Variants in DCC observed in about 807,000 individuals in gnomAD.
DCC encodes the protein DCC netrin 1 receptor.
A neutral mutation model predicts 172.5 loss-of-function variants in DCC; 58 were observed. That is an observed-to-expected ratio of 0.34 (90% CI 0.27 to 0.42). The LOEUF is 0.42. DCC is among the 10% of genes least tolerant of loss of function. The pLI is 1.00. For missense variants in DCC, 1,740 were observed against 1,791.0 expected (o/e 0.97, Z 0.51); for synonymous variants, 709 against 644.5 (o/e 1.10, Z -1.52).
chr18:52,957,266 G>A (rs2040759876), intron 5 of DCC, among the ~76,000 whole-genome samples: 1 of 152,046 alleles, frequency 6.6e-6, no homozygotes, highest in Non-Finnish European at 1.5e-5. Context: ...TTCATTAGAA[G>A]TGTATGGAAA....
chr18:53,183,967 G>A (rs528033957), intron 9 of DCC, among the ~76,000 whole-genome samples: 1 of 148,498 alleles, frequency 6.7e-6, no homozygotes, highest in African/African-American at 2.5e-5. Context: ...ATGATAACAC[G>A]TGGGCAGCCA....
In DCC at chr18:53,499,529, C is replaced by T. The variant is rs377546496; in HGVS notation, c.4111+19C>T. On this transcript the variant is annotated intron_variant, in intron 27 of 28. Coordinates refer to ENST00000442544, the MANE Select transcript of DCC (RefSeq NM_005215.4). ...CAGCCAGGTAAAGTACTCGGTTGTT[C>T]ACCTTTAAAATTCTTATTATTATTG... 1.8e-5 allele frequency: 29 copies of T among 1,594,060 alleles called. No individual in the cohort carries two copies. Among genetic ancestry groups the T allele is most frequent in the South Asian group, 2.2e-5 (2 of 90,640 alleles).
intron 9 of DCC, among the ~76,000 whole-genome samples, chr18:53,179,703 T>C (rs10853627): frequency 0.45 from 68,442 of 152,006 alleles, 16,247 homozygotes; most frequent in South Asian, 0.64. Context: ...CTTTGACCAA[T>C]GTATAATTCA....
intron 2 of DCC, among the ~76,000 whole-genome samples, chr18:52,761,552 T>C (rs1188575878): frequency 6.6e-6 from 1 of 152,146 alleles, no homozygotes; most frequent in East Asian, 1.9e-4. Flanking sequence ...ACAACAATGA[T>C]AAATATTTCT....
chr18:52,428,691 A>G (rs1987522510), intron 1 of DCC, among the ~76,000 whole-genome samples: 1 of 152,110 alleles, frequency 6.6e-6, no homozygotes, highest in African/African-American at 2.4e-5. Context: ...TTTGTGTGAG[A>G]CAGAGCAAGC....
At chr18:52,750,300 A>G (rs2036975057) in intron 1 of DCC, among the ~76,000 whole-genome samples, 2 of 152,184 alleles carry the variant, frequency 1.3e-5, no homozygotes, top group South Asian at 4.1e-4. Flanking sequence ...AAGGCTAGAT[A>G]TCCAGACAGC....
At chr18:52,671,556 G>C in intron 1 of DCC, among the ~76,000 whole-genome samples, 1 of 113,378 alleles carries the variant, frequency 8.8e-6, no homozygotes, top group Non-Finnish European at 1.7e-5. Flanking sequence ...TTTTTTTTGA[G>C]ATACAGTCTC....
chr18:52,851,200 C>T (rs2038970583), intron 2 of DCC, among the ~76,000 whole-genome samples: 1 of 152,004 alleles, frequency 6.6e-6, no homozygotes, highest in Non-Finnish European at 1.5e-5. Context: ...ATATTTTTAG[C>T]TCTTTTAAGA....
intron 1 of DCC, among the ~76,000 whole-genome samples, chr18:52,409,715 G>T (rs1164041365): frequency 6.6e-6 from 1 of 152,140 alleles, no homozygotes. Flanking sequence ...TCACAGGGGT[G>T]ATATGAAGTT....
chr18:53,397,562 G>C (rs7231978), intron 18 of DCC, 116 bp downstream of exon 18: 2 of 1,127,442 alleles, frequency 1.8e-6, no homozygotes, highest in Non-Finnish European at 2.6e-6. Flanking sequence ...ATATAAAATA[G>C]TTCATCCTCT....
At chr18:53,195,590 G>T (rs551778203) in intron 9 of DCC, among the ~76,000 whole-genome samples, 1 of 151,966 alleles carries the variant, frequency 6.6e-6, no homozygotes, top group Non-Finnish European at 1.5e-5. Context: ...AGCCTTCCAC[G>T]AGGTATAGGG....
chr18:53,079,898 T>C (rs992605317), intron 7 of DCC, among the ~76,000 whole-genome samples: 12 of 152,176 alleles, frequency 7.9e-5, no homozygotes, highest in African/African-American at 2.9e-4. Flanking sequence ...TGTAGAGATA[T>C]GCAGGGGCTG....
intron 7 of DCC, among the ~76,000 whole-genome samples, chr18:53,094,341 T>A (rs1229067917): frequency 6.6e-6 from 1 of 152,176 alleles, no homozygotes; most frequent in Non-Finnish European, 1.5e-5. Context: ...TCATTCCTCT[T>A]CTGAAGGAGA....
intron 2 of DCC, among the ~76,000 whole-genome samples, chr18:52,780,125 T>A (rs1180932306): frequency 6.6e-6 from 1 of 152,166 alleles, no homozygotes; most frequent in Admixed American, 6.5e-5. Flanking sequence ...TTCTGCAGGT[T>A]CATTTCTAGT....
intron 15 of DCC, among the ~76,000 whole-genome samples, chr18:53,358,530 CTT>C (rs35093625): frequency 5.2e-5 from 5 of 95,914 alleles, no homozygotes; most frequent in Admixed American, 1.3e-4. Flanking sequence ...TTCTCTCTCT[CTT>C]TTTTTTTTTT....
intron 1 of DCC, among the ~76,000 whole-genome samples, chr18:52,452,473 G>A (rs753494758): frequency 4.6e-5 from 7 of 152,188 alleles, no homozygotes; most frequent in Non-Finnish European, 1.0e-4. Context: ...AGGGTTGGAT[G>A]TAATTGATCC....
intron 1 of DCC, among the ~76,000 whole-genome samples, chr18:52,664,661 C>T (rs1015686571): frequency 1.4e-3 from 209 of 151,594 alleles, no homozygotes; most frequent in African/African-American, 4.9e-3. Context: ...TTAGTAGAGA[C>T]GGGGTTTCAC....
intron 19 of DCC, 90 bp downstream of exon 19, chr18:53,402,983 G>T: frequency 3.4e-6 from 3 of 885,678 alleles, no homozygotes; most frequent in Non-Finnish European, 3.8e-6. Context: ...CTTTCGTGTG[G>T]CATTATTCTG....
At chr18:53,361,915 G>T (rs1333447159) in intron 15 of DCC, among the ~76,000 whole-genome samples, 1 of 152,088 alleles carries the variant, frequency 6.6e-6, no homozygotes, top group Non-Finnish European at 1.5e-5. Flanking sequence ...CGCAAGGCTT[G>T]CACAACAATC....
Sources: allele counts gnomAD v4.1 joint callset (sites outside exome capture counted in the v4.1 genomes callset), GRCh38; gene constraint gnomAD v4.1.1; transcripts MANE v1.5; gene names NCBI Gene and HGNC (gene_info 2026-07-23, HGNC 2026-07-21).